CAMTA1: variants seen among roughly 807,000 people sequenced by gnomAD.
CAMTA1 encodes the protein calmodulin-binding transcription activator 1.
In CAMTA1, 27 loss-of-function variants were observed where a neutral mutation model predicts 170.9. The observed-to-expected ratio is 0.16, with a 90% CI of 0.12 to 0.22. CAMTA1 has a LOEUF of 0.22. Among genes scored for constraint, CAMTA1 ranks in the 10% least tolerant of loss-of-function variants. The pLI is 1.00. For missense variants in CAMTA1, 1,619 were observed against 2,217.2 expected (o/e 0.73, Z 5.42); for synonymous variants, 833 against 891.5 (o/e 0.93, Z 1.17).
intron 6 of CAMTA1, among the ~76,000 whole-genome samples, chr1:7,590,154 G>A (rs955115935): frequency 6.6e-6 from 1 of 152,158 alleles, no homozygotes; most frequent in African/African-American, 2.4e-5. Flanking sequence ...ATCTCCCTAA[G>A]GCAGGGGTGA....
chr1:7,759,162 AAAG>A (rs2096956054), intron 22 of CAMTA1, among the ~76,000 whole-genome samples: 1 of 152,080 alleles, frequency 6.6e-6, no homozygotes, highest in South Asian at 2.1e-4. Context: ...AAAGAAAAGA[AAAG>A]AAAAGAAAAA....
chr1:7,357,749 G>T (rs2085237448), intron 5 of CAMTA1, among the ~76,000 whole-genome samples: 1 of 152,176 alleles, frequency 6.6e-6, no homozygotes, highest in Admixed American at 6.5e-5. Flanking sequence ...AGGGTCTTAT[G>T]ACTCAGTGCT....
intron 5 of CAMTA1, among the ~76,000 whole-genome samples, chr1:7,261,041 C>T (rs1029328740): frequency 2.0e-5 from 3 of 152,128 alleles, no homozygotes; most frequent in Non-Finnish European, 2.9e-5. Flanking sequence ...TTCGGTTTGC[C>T]TTTTCAGAGA....
intron 5 of CAMTA1, among the ~76,000 whole-genome samples, chr1:7,317,195 GGAA>G (rs1574636426): frequency 6.6e-6 from 1 of 152,192 alleles, no homozygotes; most frequent in Non-Finnish European, 1.5e-5. Context: ...TGCGGGAGTA[GGAA>G]GGAGGCCAGG....
intron 11 of CAMTA1, among the ~76,000 whole-genome samples, chr1:7,711,605 A>C (rs2096571227): frequency 6.6e-6 from 1 of 152,224 alleles, no homozygotes; most frequent in South Asian, 2.1e-4. Context: ...CTTTTAGTGA[A>C]TCTTTAAATG....
intron 11 of CAMTA1, among the ~76,000 whole-genome samples, chr1:7,710,584 G>A (rs993385560): frequency 7.5e-5 from 9 of 119,566 alleles, no homozygotes; most frequent in Non-Finnish European, 1.1e-4. Context: ...CTGGGTGACA[G>A]AACGAGACCC....
intron 5 of CAMTA1, among the ~76,000 whole-genome samples, chr1:7,254,489 C>T (rs568009222): frequency 6.6e-6 from 1 of 152,202 alleles, no homozygotes; most frequent in Non-Finnish European, 1.5e-5. Flanking sequence ...AGAGAACACA[C>T]AGTGTTGCTG....
intron 5 of CAMTA1, among the ~76,000 whole-genome samples, chr1:7,302,696 C>T (rs1674957326): frequency 2.0e-5 from 3 of 152,208 alleles, no homozygotes; most frequent in Admixed American, 2.0e-4. Context: ...TCTCCCCATC[C>T]CAGAGTCCCT....
intron 3 of CAMTA1, among the ~76,000 whole-genome samples, chr1:7,090,286 C>G (rs1232393112): frequency 6.6e-6 from 1 of 152,196 alleles, no homozygotes; most frequent in East Asian, 1.9e-4. Context: ...CCATTATGTC[C>G]CAGCTGAAAG....
intron 5 of CAMTA1, among the ~76,000 whole-genome samples, chr1:7,384,207 C>T (rs1410262591): frequency 1.3e-5 from 2 of 152,226 alleles, no homozygotes; most frequent in African/African-American, 4.8e-5. Context: ...TGGCTCCATT[C>T]TGAAAGCACC....
intron 3 of CAMTA1, among the ~76,000 whole-genome samples, chr1:6,912,802 C>T (rs1450281278): frequency 1.3e-5 from 2 of 152,246 alleles, no homozygotes; most frequent in African/African-American, 2.4e-5. Context: ...GCGTGCTGCC[C>T]GCCTCCATGC....
intron 6 of CAMTA1, among the ~76,000 whole-genome samples, chr1:7,567,914 T>C (rs999540570): frequency 6.6e-6 from 1 of 152,204 alleles, no homozygotes; most frequent in Non-Finnish European, 1.5e-5. Context: ...ACCTAAACTT[T>C]CATTGCCTGT....
chr1:7,363,926 C>G (rs1300718576), intron 5 of CAMTA1, among the ~76,000 whole-genome samples: 1 of 152,176 alleles, frequency 6.6e-6, no homozygotes, highest in Non-Finnish European at 1.5e-5. Flanking sequence ...GGAACAGATG[C>G]CTGATAGAGA....
intron 11 of CAMTA1, among the ~76,000 whole-genome samples, chr1:7,689,440 G>C (rs2096286814): frequency 6.6e-6 from 1 of 151,660 alleles, no homozygotes. Flanking sequence ...CAGGTGTGGT[G>C]GCACAGGTGG....
chr1:7,664,222 T>A lies in CAMTA1; in HGVS notation c.1675T>A (p.Ser559Thr), dbSNP rs1382357911. The A allele has an allele frequency of 1.2e-6, 2 of 1,612,488 alleles. No homozygotes were observed. Among genetic ancestry groups the A allele is most frequent in the Non-Finnish European group, 8.5e-7 (1 of 1,179,978 alleles). The change falls in exon 9 of 23, where the codon TCC becomes ACC. Residue 559 changes from serine to threonine, a missense_variant. Coordinates refer to ENST00000303635, the MANE Select transcript of CAMTA1 (RefSeq NM_015215.4). ...SSSAAAVAAS[S>T]LTLTAGSSLL... ...CTCCGCGGCGGCTGTGGCAGCCAGC[T>A]CCCTCACCCTGACCGCCGGCTCCAG...
At position 7,665,101 on chromosome 1, in the gene CAMTA1, G is replaced by T; in HGVS notation, c.2554G>T (p.Val852Phe). ...TMAYMHVAEVVSAASAQGTLG... is the reference protein window; with the variant it reads ...TMAYMHVAEVFSAASAQGTLG... ...GGCCTACATGCACGTCGCCGAGGTG[G>T]TCTCGGCCGCCTCGGCCCAGGGCAC... Residue 852 changes from valine (V) to phenylalanine (F), a missense_variant, in exon 9 of 23, where the codon GTC (valine) becomes TTC (phenylalanine). This residue lies in a region of CAMTA1 where 731 missense variants were observed against 907.6 expected (regional missense o/e 0.81). Transcript: ENST00000303635. This position sits in a 1 kb window ranked among gnomAD's most constrained non-coding sequence, Gnocchi z 4.3. 6.5e-7 allele frequency: 1 copy of T among 1,536,386 alleles called. No individual in the cohort carries two copies. The highest frequency in any genetic ancestry group is 8.7e-7 in the Non-Finnish European group (1 of 1,143,714).
intron 7 of CAMTA1, among the ~76,000 whole-genome samples, chr1:7,659,185 AC>A (rs769298312): frequency 5.3e-5 from 8 of 152,194 alleles, no homozygotes; most frequent in Non-Finnish European, 8.8e-5. Flanking sequence ...GGAAAGCAGC[AC>A]CCTGAAGGTA....
At chr1:7,757,740 G>GA (rs558570160) in intron 22 of CAMTA1, among the ~76,000 whole-genome samples, 6 of 149,248 alleles carry the variant, frequency 4.0e-5, no homozygotes, top group South Asian at 2.1e-4. Flanking sequence ...TGTCTCAAAA[G>GA]AAAAAAAAGA....
chr1:6,923,702 G>A (rs1291963582), intron 3 of CAMTA1, among the ~76,000 whole-genome samples: 1 of 152,174 alleles, frequency 6.6e-6, no homozygotes, highest in Non-Finnish European at 1.5e-5. Context: ...GGGAGTCCAT[G>A]TGAGTGACCA....
Sources: gnomAD v4.1 joint callset for allele counts (sites outside exome capture counted in the v4.1 genomes callset) on GRCh38, gnomAD v4.1.1 for gene constraint, gnomAD v4.1.1 regional missense constraint, Gnocchi (gnomAD v3.1) non-coding constraint, MANE v1.5 for transcripts, NCBI Gene and HGNC (gene_info 2026-07-23, HGNC 2026-07-21) for gene names.